Variants in CAMK2G observed in about 807,000 individuals in gnomAD.
The protein encoded by CAMK2G is calcium/calmodulin dependent protein kinase II gamma, also known as calcium/calmodulin-dependent protein kinase type II subunit gamma.
CAMK2G carries 23 observed loss-of-function variants against 88.7 expected under a neutral mutation model. That is an observed-to-expected ratio of 0.26 (90% CI 0.19 to 0.37). CAMK2G has a LOEUF of 0.37. Ranked by LOEUF, CAMK2G falls within the 10% of genes least tolerant of loss-of-function variation. The pLI, the probability that CAMK2G is intolerant of heterozygous loss-of-function variation, is 1.00. For missense variants in CAMK2G, 476 were observed against 780.8 expected (o/e 0.61, Z 4.65); for synonymous variants, 263 against 294.8 (o/e 0.89, Z 1.11).
intron 2 of CAMK2G, among the ~76,000 whole-genome samples, chr10:73,868,534 A>G (rs1241289806): frequency 6.6e-6 from 1 of 152,202 alleles, no homozygotes; most frequent in African/African-American, 2.4e-5. Context: ...GATATGCAGG[A>G]TGCCCATTTC....
intron 3 of CAMK2G, 118 bp from the exon 4 acceptor site, chr10:73,853,364 G>T: frequency 1.2e-6 from 1 of 863,206 alleles, no homozygotes; most frequent in South Asian, 1.5e-5. Context: ...TCTCCAGAAG[G>T]AGCAGTGGGG....
Position 73,839,465 on chromosome 10 carries a change from C to T in CAMK2G, c.1009+74G>A, listed in dbSNP as rs1483183749. 1 of 844,690 alleles carries T rather than the reference C, an allele frequency of 1.2e-6. No homozygotes were observed. Among genetic ancestry groups the T allele is most frequent in the Non-Finnish European group, 1.6e-6 (1 of 633,724 alleles). 52.3% of individuals were successfully genotyped at this position (844,690 alleles called of 1,614,324 possible). A position where few individuals can be genotyped will look rare whatever the true frequency, so the allele number is the denominator to read the frequency against. ...GGGACTCGCCTCCCTGGTGAGTGGG[C>T]CCGGCATGCTGGCCCTCCTGGTGGG... On this transcript the variant is annotated intron_variant, in intron 13 of 22. Coordinates refer to ENST00000423381, the MANE Select transcript of CAMK2G (RefSeq NM_001367534.1). This position sits in a 1 kb window ranked among gnomAD's most constrained non-coding sequence, Gnocchi z 4.2.
chr10:73,856,581 C>A (rs182136347), intron 3 of CAMK2G, among the ~76,000 whole-genome samples: 1 of 152,332 alleles, frequency 6.6e-6, no homozygotes, highest in Admixed American at 6.5e-5. Context: ...CTAAGCACAA[C>A]TGTGTCATGC....
intron 14 of CAMK2G, among the ~76,000 whole-genome samples, chr10:73,832,075 A>G (rs1183188011): frequency 6.6e-6 from 1 of 151,922 alleles, no homozygotes; most frequent in African/African-American, 2.4e-5. Flanking sequence ...TAAAAAAAAA[A>G]TAGTATTTAA....
At chr10:73,837,618 A>G (rs2093377401) in intron 13 of CAMK2G, 107 bp from the exon 14 acceptor site, 2 of 908,520 alleles carry the variant, frequency 2.2e-6, no homozygotes, top group East Asian at 2.4e-5. Flanking sequence ...CAAGGGGGCC[A>G]AGGGTCTCCC....
intron 3 of CAMK2G, among the ~76,000 whole-genome samples, chr10:73,853,502 G>A (rs567168112): frequency 6.6e-5 from 10 of 152,346 alleles, no homozygotes; most frequent in Non-Finnish European, 1.0e-4. Flanking sequence ...AAGTCAAGAT[G>A]GAGAAAAGCC....
chr10:73,825,416 C>A, intron 15 of CAMK2G, 69 bp from the exon 16 acceptor site: 5 of 1,204,424 alleles, frequency 4.2e-6, no homozygotes. Flanking sequence ...AACTCCCAGA[C>A]CTCCCTTGCC....
chr10:73,820,472 AT>A (rs2087684445), intron 18 of CAMK2G, among the ~76,000 whole-genome samples: 4 of 33,818 alleles, frequency 1.2e-4, no homozygotes, highest in Admixed American at 4.8e-4. Flanking sequence ...ATTTATATAT[AT>A]ATATATATAT....
chr10:73,844,145 T>A (rs543261670), intron 10 of CAMK2G, among the ~76,000 whole-genome samples: 11 of 152,164 alleles, frequency 7.2e-5, no homozygotes, highest in Admixed American at 1.3e-4. Context: ...CAGGCTGGAG[T>A]GCAGTAGCAC....
At position 73,812,617 on chromosome 10, in the gene CAMK2G, T is replaced by C. The variant is rs1475487532; in HGVS notation, c.*1901A>G. The C allele has an allele frequency of 1.3e-5, 2 of 152,696 alleles. No homozygotes were observed. The highest frequency in any genetic ancestry group is 2.9e-5 in the Non-Finnish European group (2 of 68,048). 9.5% of individuals were successfully genotyped at this position (152,696 alleles called of 1,614,324 possible). A position where few individuals can be genotyped will look rare whatever the true frequency, so the allele number is the denominator to read the frequency against. ...CTATTTTTAAATTATTTCTATGTTG[T>C]CATGCAAAAATTCTGCATCAAATGC... On this transcript the variant is annotated 3_prime_UTR_variant, in exon 23 of 23. Coordinates refer to ENST00000423381, the MANE Select transcript of CAMK2G (RefSeq NM_001367534.1).
intron 16 of CAMK2G, among the ~76,000 whole-genome samples, chr10:73,825,040 T>TC (rs944635655): frequency 1.3e-5 from 2 of 151,898 alleles, no homozygotes; most frequent in Non-Finnish European, 2.9e-5. Flanking sequence ...TGATCACTCT[T>TC]CCCCCCACCA....
rs748498532 is a variant in CAMK2G, at chr10:73,819,654, C to A, written c.1250-9G>T. ...AGTGCGGAGCGGGGCAGCTAGCCAG[C>A]CAGGGCAGGGCAGGGCAGGGCAAGG... On this transcript the variant is annotated splice_polypyrimidine_tract_variant and intron_variant, in intron 18 of 22. Transcript: ENST00000423381. 10 of 1,521,450 alleles carry A rather than the reference C, an allele frequency of 6.6e-6. No homozygotes were observed. The highest frequency in any genetic ancestry group is 6.2e-6 in the Non-Finnish European group (7 of 1,131,826). 94.2% of individuals were successfully genotyped at this position (1,521,450 alleles called of 1,614,324 possible). A position where few individuals can be genotyped will look rare whatever the true frequency, so the allele number is the denominator to read the frequency against.
chr10:73,842,341 A>G lies in CAMK2G; in HGVS notation c.903+117T>C. 2 of 1,151,336 alleles carry G rather than the reference A, an allele frequency of 1.7e-6. No individual in the cohort carries two copies. Among genetic ancestry groups the G allele is most frequent in the East Asian group, 4.7e-5 (2 of 42,782 alleles). 71.3% of individuals were successfully genotyped at this position (1,151,336 alleles called of 1,614,324 possible). A position where few individuals can be genotyped will look rare whatever the true frequency, so the allele number is the denominator to read the frequency against. On this transcript the variant is annotated intron_variant, in intron 11 of 22. Coordinates refer to ENST00000423381, the MANE Select transcript of CAMK2G (RefSeq NM_001367534.1). This position sits in a 1 kb window ranked among gnomAD's most constrained non-coding sequence, Gnocchi z 4.6. Reference sequence around the variant, plus strand: ...CTGGGCCCCCTCCCCTGTGACATGTACAACCTTCAGAGCCCAGCTCCAGCC... The same window carrying G: ...CTGGGCCCCCTCCCCTGTGACATGTGCAACCTTCAGAGCCCAGCTCCAGCC...
Position 73,842,242 on chromosome 10 carries a change from C to T in CAMK2G, c.904-31G>A, listed in dbSNP as rs1178643885. ...GAAAGAGGAAGGTCCTGTGAATTCA[C>T]TGAGACCCTAGAAAAGGGCAGGCTG... On this transcript the variant is annotated intron_variant, in intron 11 of 22. Transcript: ENST00000423381. The surrounding 1 kb of genome is among the most constrained non-coding windows in gnomAD (Gnocchi z 4.6). 2 of 1,588,034 alleles carry T rather than the reference C, an allele frequency of 1.3e-6. No homozygotes were observed. The highest frequency in any genetic ancestry group is 1.7e-6 in the Non-Finnish European group (2 of 1,156,228).
chr10:73,815,140 T>C lies in CAMK2G; in HGVS notation c.1642A>G (p.Ile548Val). ...GTGCGAGGCCGACCCTGCCCGTCGATGTACTGGGTGAGGCGGATGTAGGCG... is the reference window on the plus strand; with the variant it reads ...GTGCGAGGCCGACCCTGCCCGTCGACGTACTGGGTGAGGCGGATGTAGGCG... ...CIAYIRLTQY[I>V]DGQGRPRTSQ... The change falls in exon 22 of 23, where the codon ATC (isoleucine) becomes GTC (valine). Residue 548 changes from isoleucine to valine, a missense_variant. Ile to Val is a conservative substitution (Grantham distance 29). Transcript: ENST00000423381. The C allele has an allele frequency of 6.2e-7, 1 of 1,614,204 alleles. No homozygotes were observed. The highest frequency in any genetic ancestry group is 8.5e-7 in the Non-Finnish European group (1 of 1,180,000).
chr10:73,829,581 T>C (rs1282077235), intron 14 of CAMK2G, among the ~76,000 whole-genome samples: 1 of 152,096 alleles, frequency 6.6e-6, no homozygotes, highest in Non-Finnish European at 1.5e-5. Context: ...ATTACAAGCG[T>C]GAGCCACCGC....
chr10:73,835,011 T>A (rs2093023915), intron 14 of CAMK2G, among the ~76,000 whole-genome samples: 1 of 152,174 alleles, frequency 6.6e-6, no homozygotes, highest in Non-Finnish European at 1.5e-5. Context: ...TATCTTCACA[T>A]GCGCTCTTCC....
intron 9 of CAMK2G, 34 bp from the exon 10 acceptor site, chr10:73,847,381 T>C: frequency 1.9e-6 from 3 of 1,612,568 alleles, no homozygotes; most frequent in Non-Finnish European, 2.5e-6. Flanking sequence ...GAATGTGGTA[T>C]TGGTGAGCTT....
chr10:73,839,877 G>A lies in CAMK2G; in HGVS notation c.947-276C>T, dbSNP rs549729891. 6.6e-6 allele frequency among the ~76,000 whole-genome samples: 1 copy of A among 152,322 alleles called. No homozygotes were observed. Among genetic ancestry groups the A allele is most frequent in the South Asian group, 2.1e-4 (1 of 4,830 alleles). On this transcript the variant is annotated intron_variant, in intron 12 of 22. Coordinates refer to ENST00000423381, the MANE Select transcript of CAMK2G (RefSeq NM_001367534.1). This position sits in a 1 kb window ranked among gnomAD's most constrained non-coding sequence, Gnocchi z 4.2. Reference sequence around the variant, plus strand: ...GCCTGTCTCATGACCCCCTCCGGAGGAGGGTCCACAGCGAAATGCCTGAGC... The same window carrying A: ...GCCTGTCTCATGACCCCCTCCGGAGAAGGGTCCACAGCGAAATGCCTGAGC...
Sources: allele counts gnomAD v4.1 joint callset (sites outside exome capture counted in the v4.1 genomes callset), GRCh38; gene constraint gnomAD v4.1.1; non-coding constraint Gnocchi (gnomAD v3.1); transcripts MANE v1.5; gene names NCBI Gene and HGNC (gene_info 2026-07-23, HGNC 2026-07-21).